RPS17: variants seen among roughly 807,000 people sequenced by gnomAD.
RPS17 encodes the protein small ribosomal subunit protein eS17.
For synonymous variants in RPS17, 75 were observed against 65.6 expected, an observed-to-expected ratio of 1.14 and a Z score of -0.70; for missense variants, 68 against 182.3, an observed-to-expected ratio of 0.37 and a Z score of 3.61.
chr15:82,539,823 C>T, intron 2 of RPS17, 158 bp downstream of exon 2: 2 of 1,341,902 alleles, frequency 1.5e-6, no homozygotes, highest in Non-Finnish European at 2.1e-6. Flanking sequence ...AAGTTCACAA[C>T]AGAAATCCTG....
At chr15:82,537,842 G>A in intron 4 of RPS17, 1 of 455,842 alleles carries the variant, frequency 2.2e-6, no homozygotes, top group South Asian at 1.5e-5. Flanking sequence ...GTATGCAAAA[G>A]GACTAAGATA....
intron 2 of RPS17, 70 bp from the exon 3 acceptor site, chr15:82,539,055 G>A (rs2034292399): frequency 6.8e-6 from 10 of 1,473,766 alleles, no homozygotes; most frequent in South Asian, 1.1e-5. Flanking sequence ...CTGAGCACAT[G>A]TGCATATATA....
At position 82,536,888 on chromosome 15, in the gene RPS17, C is replaced by T. The variant is rs975130647; in HGVS notation, c.328-7G>A. 2.3e-3 allele frequency: 3,740 copies of T among 1,613,936 alleles called. 6 individuals are homozygous for T. Among genetic ancestry groups the T allele is most frequent in the Non-Finnish European group, 2.6e-3 (3,064 of 1,179,860 alleles). On this transcript the variant is annotated splice_region_variant and splice_polypyrimidine_tract_variant and intron_variant, in intron 4 of 4. Coordinates refer to ENST00000647841, the MANE Select transcript of RPS17 (RefSeq NM_001021.6). ...TGGACAGACTGCCGAAGTCCTGGAA[C>T]GAGAAAATGGATTCAGTGAGCAGTT...
chr15:82,539,255 A>AC (rs2034298078), intron 2 of RPS17: 12 of 629,206 alleles, frequency 1.9e-5, no homozygotes, highest in South Asian at 1.8e-4. Flanking sequence ...CAGTTTCACG[A>AC]CCCTTCACAG....
intron 4 of RPS17, chr15:82,537,169 TA>T (rs2034255058): frequency 1.9e-6 from 1 of 515,890 alleles, no homozygotes; most frequent in African/African-American, 1.9e-5. Flanking sequence ...TCAATCACTC[TA>T]AAACACCGTT....
intron 2 of RPS17, 143 bp from the exon 3 acceptor site, chr15:82,539,128 T>C (rs2034294452): frequency 1.2e-6 from 1 of 841,804 alleles, no homozygotes; most frequent in Non-Finnish European, 2.1e-6. Flanking sequence ...TGGGACCTCC[T>C]ACACATAGAA....
At chr15:82,537,166 C>G in intron 4 of RPS17, 1 of 521,742 alleles carries the variant, frequency 1.9e-6, no homozygotes, top group South Asian at 2.1e-5. Flanking sequence ...CTATCAATCA[C>G]TCTAAAACAC....
chr15:82,539,410 G>A (rs1384375231), intron 2 of RPS17: 4 of 461,036 alleles, frequency 8.7e-6, no homozygotes, highest in East Asian at 6.8e-5. Context: ...ACATCCAGCC[G>A]GGCGAGGTGG....
chr15:82,537,860 G>GA lies in RPS17; in HGVS notation c.327+445dup, dbSNP rs1352560817. On this transcript the variant is annotated intron_variant, in intron 4 of 4. Coordinates refer to ENST00000647841, the MANE Select transcript of RPS17 (RefSeq NM_001021.6). Reference sequence around the variant, plus strand: ...TGCAAAAGGACTAAGATAAGCCATAGAAAAAACATCAAAGTGCAATGAAGA... The same window carrying GA: ...TGCAAAAGGACTAAGATAAGCCATAGAAAAAAACATCAAAGTGCAATGAAGA... 13 of 456,008 alleles carry GA rather than the reference G, an allele frequency of 2.9e-5. 1 individual carries two copies. Among genetic ancestry groups the GA allele is most frequent in the South Asian group, 1.7e-4 (11 of 64,562 alleles). The allele number at this position is 456,008 out of a possible 1,614,324, so 28.2% of individuals were successfully genotyped here.
At chr15:82,539,373 C>A in intron 2 of RPS17, 1 of 467,344 alleles carries the variant, frequency 2.1e-6, no homozygotes, top group Non-Finnish European at 4.3e-6. Flanking sequence ...ACAGTAACTG[C>A]AACTGTGAAG....
intron 2 of RPS17, chr15:82,539,360 C>T (rs1404385437): frequency 8.5e-6 from 4 of 470,314 alleles, no homozygotes; most frequent in Non-Finnish European, 1.7e-5. Flanking sequence ...ATAAATCTCT[C>T]GAACAGTAAC....
chr15:82,538,491 C>T, intron 3 of RPS17, 120 bp from the exon 4 acceptor site: 1 of 1,156,064 alleles, frequency 8.7e-7, no homozygotes, highest in Non-Finnish European at 1.3e-6. Flanking sequence ...TAGCATTCCT[C>T]TCACAAGGTG....
At chr15:82,540,343 G>A (rs1205746416) in intron 1 of RPS17, 83 bp downstream of exon 1, 2 of 1,581,734 alleles carry the variant, frequency 1.3e-6, no homozygotes, top group Non-Finnish European at 1.7e-6. Flanking sequence ...CCGGCCCAGG[G>A]CCTCTCTGTG....
At chr15:82,539,094 G>A in intron 2 of RPS17, 109 bp from the exon 3 acceptor site, 1 of 1,093,182 alleles carries the variant, frequency 9.1e-7, no homozygotes, top group Non-Finnish European at 1.4e-6. Context: ...TTTCCACAGT[G>A]AGAAGGAAGA....
chr15:82,536,959 T>C (rs1345028190), intron 4 of RPS17, 78 bp from the exon 5 acceptor site: 5 of 1,554,080 alleles, frequency 3.2e-6, no homozygotes, highest in Non-Finnish European at 4.4e-6. Context: ...CACAGGCCCC[T>C]AGAGCCACAG....
chr15:82,538,239 G>A, intron 4 of RPS17, 67 bp downstream of exon 4: 1 of 1,571,360 alleles, frequency 6.4e-7, no homozygotes, highest in Non-Finnish European at 8.7e-7. Context: ...GGTGACCTTG[G>A]ATAATAAGAC....
chr15:82,537,717 A>C (rs2034265300), intron 4 of RPS17: 1 of 384,328 alleles, frequency 2.6e-6, no homozygotes, highest in Non-Finnish European at 5.1e-6. Context: ...AGTACATGTG[A>C]GTTCATTTTG....
At chr15:82,539,253 C>G (rs1443828020) in intron 2 of RPS17, 2 of 623,542 alleles carry the variant, frequency 3.2e-6, no homozygotes, top group South Asian at 1.5e-5. Context: ...CGCAGTTTCA[C>G]GACCCTTCAC....
intron 1 of RPS17, 34 bp from the exon 2 acceptor site, chr15:82,540,166 C>G (rs1382200184): frequency 6.2e-7 from 1 of 1,613,646 alleles, no homozygotes; most frequent in East Asian, 2.2e-5. Flanking sequence ...ACTCACGAGC[C>G]AGCGCAACCT....
Sources: gnomAD v4.1 joint callset for allele counts on GRCh38, gnomAD v4.1.1 for gene constraint, MANE v1.5 for transcripts, NCBI Gene and HGNC (gene_info 2026-07-23, HGNC 2026-07-21) for gene names.